The following RHOU variants were observed in gnomAD, a reference collection of about 807,000 sequenced individuals.
The protein encoded by RHOU is rho-related GTP-binding protein RhoU.
RHOU carries 8 observed loss-of-function variants against 12.6 expected under a neutral mutation model. That is an observed-to-expected ratio of 0.64 (90% CI 0.37 to 1.15). The LOEUF is 1.15. RHOU is among the 50% of genes most tolerant of loss of function. The probability of loss-of-function intolerance (pLI) is 0.01; values close to 1 mark genes in which losing one functional copy is unlikely to be tolerated. For missense variants in RHOU, 258 were observed against 347.0 expected (o/e 0.74, Z 2.04); for synonymous variants, 161 against 147.4 (o/e 1.09, Z -0.67).
the RHOU span, among the ~76,000 whole-genome samples, chr1:228,693,447 A>G: frequency 6.6e-6 from 1 of 152,186 alleles, no homozygotes; most frequent in African/African-American, 2.4e-5. Context: ...GAAATATAGA[A>G]GTCCCATCAT....
At chr1:228,735,004 A>T (rs1662562220), upstream of RHOU, 1 of 152,240 alleles carries the variant, frequency 6.6e-6, no homozygotes, top group Non-Finnish European at 1.5e-5. This position sits in a 1 kb window ranked among gnomAD's most constrained non-coding sequence, Gnocchi z 8.1. Flanking sequence ...CTGTCTGTTA[A>T]TTCAATCTCA....
the RHOU span, among the ~76,000 whole-genome samples, chr1:228,655,049 G>A: frequency 6.6e-6 from 1 of 151,418 alleles, no homozygotes; most frequent in Non-Finnish European, 1.5e-5. Flanking sequence ...TTTAATCCTA[G>A]GTTCATGGCT....
At position 228,743,099 on chromosome 1, in the gene RHOU, C is replaced by G. The variant is rs1406473202; in HGVS notation, c.322-186C>G. Among the ~76,000 whole-genome samples, 3 of 152,196 alleles carry G rather than the reference C, an allele frequency of 2.0e-5. No homozygotes were observed. The highest frequency in any genetic ancestry group is 7.2e-5 in the African/African-American group (3 of 41,452). On this transcript the variant is annotated intron_variant, in intron 2 of 2. Transcript: ENST00000366691. This position sits in a 1 kb window ranked among gnomAD's most constrained non-coding sequence, Gnocchi z 5.1. ...GCCCTGAAAGCAGATGGCTGCCACA[C>G]CTTCGCTGGTGCACTGGCCCCGCTT...
At chr1:228,672,072 A>T in the RHOU span, among the ~76,000 whole-genome samples, 8 of 152,386 alleles carry the variant, frequency 5.2e-5, no homozygotes, top group Middle Eastern at 0.01. Context: ...GTGAATGGAA[A>T]TGATTGTGCT....
chr1:228,733,763 T>C (rs1233323570), upstream of RHOU, among the ~76,000 whole-genome samples: 1 of 152,198 alleles, frequency 6.6e-6, no homozygotes, highest in South Asian at 2.1e-4. Context: ...CATAGGTATG[T>C]CAGTGGTAGC....
the RHOU span, among the ~76,000 whole-genome samples, chr1:228,693,065 A>C: frequency 6.6e-6 from 1 of 152,252 alleles, no homozygotes; most frequent in African/African-American, 2.4e-5. Flanking sequence ...TTTCAAAGGG[A>C]AAGTTTAACA....
chr1:228,658,434 C>T, the RHOU span, among the ~76,000 whole-genome samples: 2,336 of 152,200 alleles, frequency 0.015, 62 homozygotes, highest in African/African-American at 0.052. Flanking sequence ...CACGTGGGGA[C>T]ACAATGTTCC....
the RHOU span, among the ~76,000 whole-genome samples, chr1:228,659,526 CAG>C: frequency 6.7e-6 from 1 of 148,344 alleles, no homozygotes; most frequent in Non-Finnish European, 1.5e-5. Context: ...ATAAATAAAA[CAG>C]AGCATTAAAA....
the RHOU span, among the ~76,000 whole-genome samples, chr1:228,651,986 TC>T: frequency 1.2e-4 from 18 of 152,230 alleles, no homozygotes; most frequent in Non-Finnish European, 2.4e-4. Flanking sequence ...TGTTGGCCTT[TC>T]TGGGTTTCTC....
At chr1:228,688,383 T>A in the RHOU span, among the ~76,000 whole-genome samples, 1 of 152,190 alleles carries the variant, frequency 6.6e-6, no homozygotes, top group Non-Finnish European at 1.5e-5. Flanking sequence ...ACAGCAGACA[T>A]TTGTGAGTTG....
At chr1:228,742,120 ATTAT>A (rs1267760149) in intron 2 of RHOU, among the ~76,000 whole-genome samples, 1 of 152,230 alleles carries the variant, frequency 6.6e-6, no homozygotes, top group Non-Finnish European at 1.5e-5. Flanking sequence ...TCATTGGGAA[ATTAT>A]TTATACCTGA....
chr1:228,682,361 G>C, the RHOU span, among the ~76,000 whole-genome samples: 1 of 152,232 alleles, frequency 6.6e-6, no homozygotes, highest in Non-Finnish European at 1.5e-5. Context: ...AATGTCTCAT[G>C]CTTCTGTGTG....
the RHOU span, among the ~76,000 whole-genome samples, chr1:228,646,585 C>CG: frequency 6.5e-4 from 84 of 129,026 alleles, no homozygotes; most frequent in Non-Finnish European, 9.1e-4. Flanking sequence ...AAGACCCGGC[C>CG]GGGGGGGCAA....
At chr1:228,719,958 C>T in the RHOU span, among the ~76,000 whole-genome samples, 14 of 152,060 alleles carry the variant, frequency 9.2e-5, no homozygotes, top group Admixed American at 1.3e-4. Flanking sequence ...AAAATATCGC[C>T]GTATCTTTTA....
the RHOU span, among the ~76,000 whole-genome samples, chr1:228,680,556 C>T: frequency 2.0e-5 from 3 of 152,136 alleles, no homozygotes; most frequent in Non-Finnish European, 4.4e-5. Context: ...GCCACCTCCT[C>T]TCTATTATTG....
rs1432356958 is a variant in RHOU, at chr1:228,744,437, CACAG to C, written c.*701_*704del. 6.6e-6 allele frequency: 1 copy of C among 152,192 alleles called. No individual in the cohort carries two copies. The highest frequency in any genetic ancestry group is 2.4e-5 in the African/African-American group (1 of 41,442). 9.4% of individuals were successfully genotyped at this position (152,192 alleles called of 1,614,324 possible). A position where few individuals can be genotyped will look rare whatever the true frequency, so the allele number is the denominator to read the frequency against. On this transcript the variant is annotated 3_prime_UTR_variant, in exon 3 of 3. Transcript: ENST00000366691. ...GTCCAGTTGTGTTGACACATATGAA[CACAG>C]ACAAAGTGCTATGCGGAGGAAAGCA...
At chr1:228,646,917 G>C in the RHOU span, among the ~76,000 whole-genome samples, 3 of 152,154 alleles carry the variant, frequency 2.0e-5, no homozygotes, top group African/African-American at 7.2e-5. Flanking sequence ...GAGAGAGACC[G>C]GAGAGGTGGA....
At chr1:228,698,884 G>T in the RHOU span, among the ~76,000 whole-genome samples, 22 of 152,248 alleles carry the variant, frequency 1.4e-4, no homozygotes, top group Admixed American at 4.6e-4. Context: ...GTGTATACAA[G>T]ACCCCTTTTC....
the RHOU span, among the ~76,000 whole-genome samples, chr1:228,664,470 A>C: frequency 6.6e-6 from 1 of 152,180 alleles, no homozygotes; most frequent in African/African-American, 2.4e-5. Context: ...TGAGAAAATA[A>C]TCTTTATGAA....
Sources: allele counts gnomAD v4.1 joint callset (sites outside exome capture counted in the v4.1 genomes callset), GRCh38; gene constraint gnomAD v4.1.1; non-coding constraint Gnocchi (gnomAD v3.1); transcripts MANE v1.5; gene names NCBI Gene and HGNC (gene_info 2026-07-23, HGNC 2026-07-21).